Variants in MACROD2 observed in about 807,000 individuals in gnomAD.
The protein encoded by MACROD2 is ADP-ribose glycohydrolase MACROD2.
In MACROD2, 36 loss-of-function variants were observed where a neutral mutation model predicts 70.4. The observed-to-expected ratio is 0.51, with a 90% CI of 0.39 to 0.68. The LOEUF (loss-of-function observed/expected upper bound fraction) is 0.68. Among genes scored for constraint, MACROD2 ranks in the 30% least tolerant of loss-of-function variants. MACROD2 has a pLI of 0.00. For synonymous variants in MACROD2, 172 were observed against 178.8 expected (o/e 0.96, Z 0.30); for missense variants, 496 against 538.4 (o/e 0.92, Z 0.78).
chr20:14,273,414 A>G (rs1216860893), intron 3 of MACROD2, among the ~76,000 whole-genome samples: 1 of 150,178 alleles, frequency 6.7e-6, no homozygotes, highest in Non-Finnish European at 1.5e-5. Flanking sequence ...TAACGAAATG[A>G]AGGCAGAAAT....
intron 3 of MACROD2, chr20:14,127,924 A>T (rs376190792): frequency 2.5e-5 from 13 of 511,304 alleles, no homozygotes; most frequent in African/African-American, 2.5e-4. Flanking sequence ...AAACACCCTG[A>T]TGCAGATTCT....
chr20:15,075,634 T>C (rs1032539596), intron 5 of MACROD2, among the ~76,000 whole-genome samples: 1 of 152,140 alleles, frequency 6.6e-6, no homozygotes, highest in African/African-American at 2.4e-5. Flanking sequence ...CTCTTTCCAT[T>C]GCAAAAAAAT....
intron 5 of MACROD2, among the ~76,000 whole-genome samples, chr20:14,953,432 G>A (rs369814015): frequency 1.7e-4 from 26 of 151,932 alleles, no homozygotes; most frequent in African/African-American, 5.6e-4. Flanking sequence ...TCAGCCTACC[G>A]AGTAGCTGGG....
At chr20:15,287,223 G>A (rs2077500112) in intron 6 of MACROD2, among the ~76,000 whole-genome samples, 1 of 152,136 alleles carries the variant, frequency 6.6e-6, no homozygotes, top group Non-Finnish European at 1.5e-5. Flanking sequence ...TAAACTAACT[G>A]GCAGCAAGAA....
intron 5 of MACROD2, among the ~76,000 whole-genome samples, chr20:14,743,301 A>G (rs1457967262): frequency 6.6e-6 from 1 of 152,076 alleles, no homozygotes; most frequent in East Asian, 1.9e-4. Context: ...GAGGGATGTT[A>G]TATAGTTGTG....
chr20:14,113,276 G>A (rs1218279580), intron 3 of MACROD2, among the ~76,000 whole-genome samples: 1 of 151,896 alleles, frequency 6.6e-6, no homozygotes, highest in African/African-American at 2.4e-5. Context: ...CAAATTTATG[G>A]CATGAAATTT....
intron 3 of MACROD2, among the ~76,000 whole-genome samples, chr20:14,138,026 G>C (rs773946269): frequency 6.6e-6 from 1 of 152,160 alleles, no homozygotes; most frequent in Non-Finnish European, 1.5e-5. Flanking sequence ...AGTCATCAGG[G>C]AAATGCAAAT....
At position 15,088,439 on chromosome 20, in the gene MACROD2, ATATATATATATAATATTT is replaced by A. The variant is rs1568567420; in HGVS notation, c.419-141499_419-141482del. Among the ~76,000 whole-genome samples the A allele has an allele frequency of 5.7e-3, 195 of 34,426 alleles. 2 individuals carry two copies. Among genetic ancestry groups the A allele is most frequent in the African/African-American group, 0.017 (186 of 11,090 alleles). 22.6% of individuals were successfully genotyped at this position (34,426 alleles called of 152,430 possible). On this transcript the variant is annotated intron_variant, in intron 5 of 17. Transcript: ENST00000684519. ...TATATATATATATATATATATATAT[ATATATATATATAATATTT>A]TGTGTGTGTGTGTGTGTTGCTTTAA...
chr20:15,455,743 C>T (rs2046715948), intron 7 of MACROD2, among the ~76,000 whole-genome samples: 1 of 152,104 alleles, frequency 6.6e-6, no homozygotes. Context: ...AGCAGATTCA[C>T]TTTCATTACC....
At chr20:14,025,879 G>A (rs2053156257) in intron 2 of MACROD2, among the ~76,000 whole-genome samples, 3 of 152,150 alleles carry the variant, frequency 2.0e-5, no homozygotes, top group Admixed American at 2.0e-4. Flanking sequence ...CCAGAGCTGA[G>A]TTCAAGCCCT....
chr20:15,007,754 A>G (rs2075051145), intron 5 of MACROD2, among the ~76,000 whole-genome samples: 1 of 152,170 alleles, frequency 6.6e-6, no homozygotes, highest in African/African-American at 2.4e-5. Context: ...ATGACAGTGG[A>G]AAATCAGGGG....
At chr20:14,438,786 A>C (rs878933182) in intron 3 of MACROD2, among the ~76,000 whole-genome samples, 1 of 152,178 alleles carries the variant, frequency 6.6e-6, no homozygotes, top group Admixed American at 6.5e-5. Context: ...CAGTGTCATG[A>C]GTTCTTTATA....
chr20:15,303,253 G>A (rs2077664344), intron 6 of MACROD2, among the ~76,000 whole-genome samples: 1 of 152,046 alleles, frequency 6.6e-6, no homozygotes, highest in South Asian at 2.1e-4. Flanking sequence ...ATCTTGACTT[G>A]TCTTTTAACA....
chr20:14,240,683 C>A (rs911908033), intron 3 of MACROD2, among the ~76,000 whole-genome samples: 24 of 152,012 alleles, frequency 1.6e-4, no homozygotes, highest in Admixed American at 3.9e-4. Flanking sequence ...ATACCCAGGC[C>A]TACTTGAGGG....
At chr20:14,249,803 T>A (rs1011521891) in intron 3 of MACROD2, among the ~76,000 whole-genome samples, 1 of 152,090 alleles carries the variant, frequency 6.6e-6, no homozygotes, top group African/African-American at 2.4e-5. Flanking sequence ...CCATACAATA[T>A]ACTACGACAG....
chr20:15,804,973 T>C (rs2063755916), intron 8 of MACROD2, among the ~76,000 whole-genome samples: 1 of 152,200 alleles, frequency 6.6e-6, no homozygotes, highest in South Asian at 2.1e-4. Flanking sequence ...CTCCCAGAGC[T>C]TCCCAGTAAG....
intron 4 of MACROD2, among the ~76,000 whole-genome samples, chr20:14,528,730 A>G (rs1441929477): frequency 1.3e-5 from 2 of 152,238 alleles, no homozygotes; most frequent in African/African-American, 2.4e-5. Context: ...TGTGTTGTCC[A>G]GAAAACGGAC....
chr20:15,087,110 A>G (rs2075754811), intron 5 of MACROD2, among the ~76,000 whole-genome samples: 1 of 152,018 alleles, frequency 6.6e-6, no homozygotes, highest in African/African-American at 2.4e-5. Context: ...TCTCTTATTT[A>G]TCTTTCTATT....
At chr20:15,119,684 A>G (rs917461748) in intron 5 of MACROD2, among the ~76,000 whole-genome samples, 1 of 152,250 alleles carries the variant, frequency 6.6e-6, no homozygotes, top group African/African-American at 2.4e-5. Context: ...TTGAGAAGGA[A>G]TCAAAACTCA....
Sources: allele counts gnomAD v4.1 joint callset (sites outside exome capture counted in the v4.1 genomes callset), GRCh38; gene constraint gnomAD v4.1.1; transcripts MANE v1.5; gene names NCBI Gene and HGNC (gene_info 2026-07-23, HGNC 2026-07-21).